LYN: variants seen among roughly 807,000 people sequenced by gnomAD.
LYN encodes LYN proto-oncogene, Src family tyrosine kinase, also known as tyrosine-protein kinase Lyn.
Under a neutral mutation model 65.0 loss-of-function variants are expected in LYN, and 12 were observed. The observed-to-expected ratio is 0.18, with a 90% CI of 0.12 to 0.30. The LOEUF (loss-of-function observed/expected upper bound fraction) is 0.30. Among genes scored for constraint, LYN ranks in the 10% least tolerant of loss-of-function variants. The probability of loss-of-function intolerance (pLI) is 1.00; values close to 1 mark genes in which losing one functional copy is unlikely to be tolerated. For synonymous variants in LYN, 222 were observed against 221.2 expected (o/e 1.00, Z -0.03); for missense variants, 380 against 623.2 (o/e 0.61, Z 4.16).
At position 55,941,933 on chromosome 8, in the gene LYN, G is replaced by T; in HGVS notation, c.74G>T (p.Arg25Leu). The T allele has an allele frequency of 6.2e-7, 1 of 1,612,448 alleles. No individual in the cohort carries two copies. The highest frequency in any genetic ancestry group is 1.3e-5 in the African/African-American group (1 of 74,972). The part of the protein sequence containing the change: ...DGVDLKTQPV[R>L]NTERTIYVRD... The stretch of plus-strand genomic sequence containing the variant: ...GTAGATTTGAAGACTCAACCAGTAC[G>T]TAATACTGAAAGAACTATTTATGTG... Residue 25 changes from arginine to leucine, a missense_variant, in exon 2 of 13, where the codon CGT (arginine) becomes CTT (leucine). Arg to Leu is a moderately radical substitution (Grantham distance 102). Transcript: ENST00000519728.
At chr8:55,954,331 A>G (rs948191690) in intron 8 of LYN, among the ~76,000 whole-genome samples, 4 of 152,194 alleles carry the variant, frequency 2.6e-5, no homozygotes, top group African/African-American at 9.7e-5. Context: ...GGGAAAGGTT[A>G]TCTTAGGGCT....
At chr8:55,896,066 G>T (rs1199659688) in intron 1 of LYN, among the ~76,000 whole-genome samples, 1 of 151,816 alleles carries the variant, frequency 6.6e-6, no homozygotes, top group African/African-American at 2.4e-5. Flanking sequence ...TTTATCATTA[G>T]CTCATCCTTA....
At chr8:55,916,475 C>A (rs190536658) in intron 1 of LYN, among the ~76,000 whole-genome samples, 1 of 152,160 alleles carries the variant, frequency 6.6e-6, no homozygotes, top group Non-Finnish European at 1.5e-5. Flanking sequence ...TGGAAGGGTG[C>A]GTGCGAATAT....
chr8:55,951,730 A>G (rs180813670), intron 6 of LYN, among the ~76,000 whole-genome samples: 2 of 152,188 alleles, frequency 1.3e-5, no homozygotes, highest in Admixed American at 1.3e-4. Flanking sequence ...AATAATTTTA[A>G]AAAAATTATC....
chr8:55,981,410 C>A (rs1807917526), intron 10 of LYN, among the ~76,000 whole-genome samples: 2 of 152,178 alleles, frequency 1.3e-5, no homozygotes, highest in East Asian at 1.9e-4. Flanking sequence ...ACTATACTGG[C>A]CACTTAAAAT....
intron 8 of LYN, among the ~76,000 whole-genome samples, chr8:55,962,855 C>T (rs1452593994): frequency 1.3e-5 from 2 of 152,170 alleles, no homozygotes; most frequent in Non-Finnish European, 2.9e-5. Flanking sequence ...GGTGAAGCCT[C>T]AGGAAGCTTC....
Position 55,947,697 on chromosome 8 carries a change from A to G in LYN, c.258A>G (p.Lys86=), listed in dbSNP as rs1008201878. ...GIHPDDLSFK[K]GEKMKVLEEH... is the part of the protein sequence containing the mutation. ...ACCCGGACGACTTGTCTTTCAAGAAAGGAGAGAAGATGAAAGTCCTGGAGG... is the reference window on the plus strand; with the variant it reads ...ACCCGGACGACTTGTCTTTCAAGAAGGGAGAGAAGATGAAAGTCCTGGAGG... Residue 86 remains lysine (K), a synonymous_variant, in exon 4 of 13, where the codon AAA becomes AAG. Coordinates refer to ENST00000519728, the MANE Select transcript of LYN (RefSeq NM_002350.4). 6.2e-6 allele frequency: 10 copies of G among 1,613,804 alleles called. No individual in the cohort carries two copies. The highest frequency in any genetic ancestry group is 2.7e-5 in the African/African-American group (2 of 74,932).
intron 1 of LYN, among the ~76,000 whole-genome samples, chr8:55,901,767 G>A (rs925081287): frequency 5.3e-5 from 8 of 152,224 alleles, no homozygotes; most frequent in African/African-American, 1.9e-4. Context: ...GCTGGATGTG[G>A]CTAGGAACCG....
rs552341864 is a variant in LYN, at chr8:55,981,645, C to T, written c.1050+11852C>T. Among the ~76,000 whole-genome samples the T allele has an allele frequency of 3.2e-4, 49 of 152,260 alleles. No homozygotes were observed. In the South Asian group the frequency reaches 9.1e-3, roughly 28 times the overall value. Reference sequence around the variant, plus strand: ...TGCTGGGATTATAGGTGTGAGCCACCGTGCCCGGCCAGAACACATGCTTTT... The same window carrying T: ...TGCTGGGATTATAGGTGTGAGCCACTGTGCCCGGCCAGAACACATGCTTTT... On this transcript the variant is annotated intron_variant, in intron 10 of 12. Transcript: ENST00000519728.
rs1451327697 is a variant in LYN at position 55,899,307 on chromosome 8, AACT to A, written c.-6+19209_-6+19211del. Among the ~76,000 whole-genome samples, 3 of 152,198 alleles carry A rather than the reference AACT, an allele frequency of 2.0e-5. No homozygotes were observed. In the East Asian group the frequency reaches 5.8e-4, roughly 29 times the overall value. The stretch of plus-strand genomic sequence containing the variant: ...GGGATAATAAATATTATGCTCACTT[AACT>A]ACTAAGTAAATGGAACCCAAGTCAG... On this transcript the variant is annotated intron_variant, in intron 1 of 12. Transcript: ENST00000519728.
chr8:55,985,371 C>T (rs62515390), intron 10 of LYN, among the ~76,000 whole-genome samples: 14 of 152,320 alleles, frequency 9.2e-5, no homozygotes, highest in Non-Finnish European at 1.6e-4. Context: ...AGAGAGCAGA[C>T]GTCACAGGCT....
intron 1 of LYN, among the ~76,000 whole-genome samples, chr8:55,911,259 A>G (rs79370872): frequency 0.015 from 204 of 13,550 alleles, 35 homozygotes; most frequent in Admixed American, 0.025. Flanking sequence ...GTGTGTGTGT[A>G]TATATATATA....
At chr8:55,964,030 G>A (rs1169130014) in intron 8 of LYN, among the ~76,000 whole-genome samples, 4 of 152,080 alleles carry the variant, frequency 2.6e-5, no homozygotes, top group Admixed American at 2.0e-4. Context: ...TAACTCTTAA[G>A]ATCTACAGAA....
At chr8:55,932,369 A>T (rs1585611820) in intron 1 of LYN, among the ~76,000 whole-genome samples, 1 of 152,288 alleles carries the variant, frequency 6.6e-6, no homozygotes, top group Non-Finnish European at 1.5e-5. Context: ...TTTCTAAAAA[A>T]TAGAACATTT....
In LYN at chr8:55,950,772, G is replaced by A; in HGVS notation, c.475G>A (p.Glu159Lys). The part of the protein sequence containing the change: ...SAGAFLIRES[E>K]TLKGSFSLSV... The stretch of plus-strand genomic sequence containing the variant: ...TGGAGCTTTCCTTATTAGAGAAAGT[G>A]AAACATTAAAAGGTAGGAAATTGTT... The change falls in exon 6 of 13, where the codon GAA becomes AAA. Residue 159 changes from glutamate to lysine, a missense_variant. Transcript: ENST00000519728. The A allele has an allele frequency of 6.2e-7, 1 of 1,610,536 alleles. No homozygotes were observed. Among genetic ancestry groups the A allele is most frequent in the Non-Finnish European group, 8.5e-7 (1 of 1,176,770 alleles).
At chr8:55,964,415 T>C (rs1248021291) in intron 8 of LYN, among the ~76,000 whole-genome samples, 9 of 152,240 alleles carry the variant, frequency 5.9e-5, no homozygotes, top group African/African-American at 2.2e-4. Flanking sequence ...GAATACAAAA[T>C]AAAACATTTT....
chr8:55,897,908 C>T (rs1805163776), intron 1 of LYN, among the ~76,000 whole-genome samples: 1 of 151,884 alleles, frequency 6.6e-6, no homozygotes, highest in Non-Finnish European at 1.5e-5. Flanking sequence ...GAGGCCCTGT[C>T]TCACAAACAA....
chr8:55,980,654 C>T (rs1807892604), intron 10 of LYN: 1 of 152,226 alleles, frequency 6.6e-6, no homozygotes, highest in Non-Finnish European at 1.5e-5. Context: ...CATGTCTTCC[C>T]AGGCAGCCCT....
intron 1 of LYN, among the ~76,000 whole-genome samples, chr8:55,916,190 A>T (rs1435586643): frequency 1.3e-5 from 2 of 151,612 alleles, no homozygotes; most frequent in Non-Finnish European, 2.9e-5. Context: ...ATCATTGGCT[A>T]AAAAAAATGG....
Sources: allele counts gnomAD v4.1 joint callset (sites outside exome capture counted in the v4.1 genomes callset), GRCh38; gene constraint gnomAD v4.1.1; transcripts MANE v1.5; gene names NCBI Gene and HGNC (gene_info 2026-07-23, HGNC 2026-07-21).